ZNF540: variants seen among roughly 807,000 people sequenced by gnomAD.
ZNF540 encodes zinc finger protein 540, also known as CTD-3064H18.6.
Under a neutral mutation model 11.8 loss-of-function variants are expected in ZNF540, and 3 were observed. That is an observed-to-expected ratio of 0.25 (90% CI 0.12 to 0.65). The LOEUF (loss-of-function observed/expected upper bound fraction) is 0.65, where lower values mean the gene tolerates loss of function less well. Ranked by LOEUF, ZNF540 falls within the 30% of genes least tolerant of loss-of-function variation. The pLI, the probability that ZNF540 is intolerant of heterozygous loss-of-function variation, is 0.83. For synonymous variants in ZNF540, 247 were observed against 259.0 expected (o/e 0.95, Z 0.45); for missense variants, 709 against 793.1 (o/e 0.89, Z 1.27).
At chr19:37,556,646 A>G (rs1245390125) in intron 1 of ZNF540, among the ~76,000 whole-genome samples, 1 of 152,228 alleles carries the variant, frequency 6.6e-6, no homozygotes, top group Non-Finnish European at 1.5e-5. Context: ...GCAGGATGAT[A>G]TCTTGTACCT....
At chr19:37,559,990 T>C (rs1323633140) in intron 1 of ZNF540, among the ~76,000 whole-genome samples, 1 of 152,154 alleles carries the variant, frequency 6.6e-6, no homozygotes, top group Non-Finnish European at 1.5e-5. Flanking sequence ...TTTAAAAATT[T>C]TTTTAGCTGG....
In ZNF540 at chr19:37,553,113, C is replaced by CTTTTT. The variant is rs746114598; in HGVS notation, c.-73+1482_-73+1486dup. On this transcript the variant is annotated intron_variant, in intron 1 of 4. Coordinates refer to the ZNF540 transcript ENST00000592533. Reference sequence around the variant, plus strand: ...AATCTTTTTTTATATAACCTAACATCTTTTTTTTTTTTTTTTTTTTTTTTT... The same window carrying CTTTTT: ...AATCTTTTTTTATATAACCTAACATCTTTTTTTTTTTTTTTTTTTTTTTTTTTTTT... Among the ~76,000 whole-genome samples the CTTTTT allele has an allele frequency of 3.0e-4, 10 of 33,130 alleles. 4 individuals are homozygous for CTTTTT. The highest frequency in any genetic ancestry group is 5.5e-4 in the Non-Finnish European group (10 of 18,174). 21.7% of individuals were successfully genotyped at this position (33,130 alleles called of 152,430 possible).
intron 1 of ZNF540, chr19:37,595,464 G>A (rs2043982438): frequency 6.6e-6 from 1 of 152,164 alleles, no homozygotes; most frequent in Non-Finnish European, 1.5e-5. Flanking sequence ...TTCTTTGCAT[G>A]GTCATGAATT....
At chr19:37,558,499 T>TA (rs2042684754) in intron 1 of ZNF540, among the ~76,000 whole-genome samples, 1 of 152,108 alleles carries the variant, frequency 6.6e-6, no homozygotes, top group Non-Finnish European at 1.5e-5. Context: ...TCATTCGCCT[T>TA]AGACAAGTTT....
At chr19:37,556,633 G>A (rs1361896882) in intron 1 of ZNF540, among the ~76,000 whole-genome samples, 1 of 152,218 alleles carries the variant, frequency 6.6e-6, no homozygotes, top group South Asian at 2.1e-4. Context: ...CCTTGAACAA[G>A]TGGCAGGATG....
At chr19:37,586,596 T>G in intron 1 of ZNF540, 1 of 1,577,166 alleles carries the variant, frequency 6.3e-7, no homozygotes, top group Non-Finnish European at 8.7e-7. Flanking sequence ...CAGGAAATTC[T>G]GGGATAAATC....
At chr19:37,595,554 A>G (rs1260357965) in intron 1 of ZNF540, 1 of 152,172 alleles carries the variant, frequency 6.6e-6, no homozygotes, top group Non-Finnish European at 1.5e-5. Flanking sequence ...ATGTGGGGAA[A>G]GAAGTGTGTG....
At chr19:37,559,753 G>C (rs906056332) in intron 1 of ZNF540, among the ~76,000 whole-genome samples, 2 of 152,146 alleles carry the variant, frequency 1.3e-5, no homozygotes, top group Admixed American at 1.3e-4. Context: ...CAAAAATAGG[G>C]TGATTATTAA....
intron 1 of ZNF540, among the ~76,000 whole-genome samples, chr19:37,580,928 C>T (rs138305935): frequency 1.3e-5 from 2 of 152,324 alleles, no homozygotes; most frequent in East Asian, 3.9e-4. Context: ...TGAACTAAGA[C>T]ACCTATTACA....
In ZNF540 at chr19:37,611,736, TA is replaced by T. The variant is rs764815251; in HGVS notation, c.457del (p.Arg153GlufsTer8). Reference protein sequence around the residue: ...KIVSKKMSTDRKRPSFTLNQR... With the variant: ...KIVSKKMSTDXKRPSFTLNQR... ...TCGTCTCTAAAAAAATGTCAACTGA[TA>T]GAAAACGTCCCTCTTTTACTCTGAA... On this transcript the variant is annotated frameshift_variant, in exon 5 of 5. Transcript: ENST00000316433. LOFTEE classifies it low-confidence loss of function (END_TRUNC). 1 of 1,613,950 alleles carries T rather than the reference TA, an allele frequency of 6.2e-7. No homozygotes were observed. Among genetic ancestry groups the T allele is most frequent in the Non-Finnish European group, 8.5e-7 (1 of 1,179,932 alleles).
At chr19:37,561,048 C>CAAAAAAAAAAAAAA (rs199892724) in intron 1 of ZNF540, among the ~76,000 whole-genome samples, 2 of 73,778 alleles carry the variant, frequency 2.7e-5, no homozygotes, top group African/African-American at 4.5e-5. Context: ...CCTGTCTCTA[C>CAAAAAAAAAAAAAA]AAAAAAAAAA....
At chr19:37,571,419 C>T (rs918432513) in intron 1 of ZNF540, among the ~76,000 whole-genome samples, 3 of 152,016 alleles carry the variant, frequency 2.0e-5, no homozygotes, top group Non-Finnish European at 2.9e-5. Flanking sequence ...TCGCCTGAAC[C>T]CAGGAAGTGG....
intron 1 of ZNF540, chr19:37,586,892 A>G (rs2147204834): frequency 1.7e-6 from 1 of 594,858 alleles, no homozygotes; most frequent in Middle Eastern, 3.4e-4. Flanking sequence ...GCTACTGCAG[A>G]AGGGGTTCAG....
At chr19:37,602,113 TAAG>T (rs1213527971) in intron 4 of ZNF540, among the ~76,000 whole-genome samples, 1 of 152,056 alleles carries the variant, frequency 6.6e-6, no homozygotes, top group Non-Finnish European at 1.5e-5. Context: ...TGAGGGGTGG[TAAG>T]AAGATGCTGT....
chr19:37,610,304 C>T (rs1049045149), intron 4 of ZNF540, among the ~76,000 whole-genome samples: 4 of 152,108 alleles, frequency 2.6e-5, no homozygotes, highest in Admixed American at 6.5e-5. Context: ...TGTTTAATGC[C>T]TGCTGTATGC....
At chr19:37,568,635 G>C (rs991344541) in intron 1 of ZNF540, among the ~76,000 whole-genome samples, 2 of 152,002 alleles carry the variant, frequency 1.3e-5, no homozygotes, top group African/African-American at 4.8e-5. Context: ...GAAATCTAGA[G>C]GAATATAGAA....
rs1388119130 is a variant in ZNF540, at chr19:37,612,442, T to C, written c.1162T>C (p.Cys388Arg). 2 of 1,613,320 alleles carry C rather than the reference T, an allele frequency of 1.2e-6. No homozygotes were observed. The highest frequency in any genetic ancestry group is 2.2e-5 in the South Asian group (2 of 91,048). Reference protein sequence around the residue: ...AGKKPYECKECGKSFNVRGQL... With the variant: ...AGKKPYECKERGKSFNVRGQL... ...TAAGAAACCTTATGAATGTAAGGAG[T>C]GTGGGAAATCATTTAATGTGCGTGG... Residue 388 changes from cysteine to arginine, a missense_variant, in exon 5 of 5, where the codon TGT (cysteine) becomes CGT (arginine). Physicochemically the swap from Cys to Arg is radical, Grantham distance 180. Transcript: ENST00000316433.
intron 1 of ZNF540, chr19:37,566,454 T>C (rs2042863920): frequency 3.9e-6 from 3 of 766,902 alleles, no homozygotes; most frequent in Non-Finnish European, 5.9e-6. Flanking sequence ...AAGGAGAGAA[T>C]AAAGAAAAAG....
chr19:37,566,433 T>C (rs901436612), intron 1 of ZNF540: 2 of 927,998 alleles, frequency 2.2e-6, no homozygotes, highest in Non-Finnish European at 3.1e-6. Context: ...GCCATTTTTC[T>C]TTAAAGGCAC....
Sources: gnomAD v4.1 joint callset for allele counts (sites outside exome capture counted in the v4.1 genomes callset) on GRCh38, gnomAD v4.1.1 for gene constraint, MANE v1.5 for transcripts, NCBI Gene and HGNC (gene_info 2026-07-23, HGNC 2026-07-21) for gene names.